ATP10D: variants seen among roughly 807,000 people sequenced by gnomAD.
ATP10D encodes ATPase phospholipid transporting 10D (putative).
Under a neutral mutation model 144.8 loss-of-function variants are expected in ATP10D, and 89 were observed. That is an observed-to-expected ratio of 0.61 (90% CI 0.52 to 0.73). The LOEUF (loss-of-function observed/expected upper bound fraction) is 0.73. ATP10D is among the 30% of genes least tolerant of loss of function. The probability of loss-of-function intolerance (pLI) is 0.00; values close to 1 mark genes in which losing one functional copy is unlikely to be tolerated. For missense variants in ATP10D, 1,603 were observed against 1,714.8 expected, an observed-to-expected ratio of 0.93 and a Z score of 1.15; for synonymous variants, 571 against 615.1, an observed-to-expected ratio of 0.93 and a Z score of 1.06.
intron 1 of ATP10D, among the ~76,000 whole-genome samples, chr4:47,494,877 A>G (rs1298701507): frequency 2.0e-5 from 3 of 152,210 alleles, no homozygotes; most frequent in Admixed American, 6.5e-5. Flanking sequence ...TCTTTCGCAG[A>G]CTACCATTTA....
chr4:47,525,732 C>G, intron 5 of ATP10D, 90 bp downstream of exon 5: 1 of 1,108,672 alleles, frequency 9.0e-7, no homozygotes, highest in Non-Finnish European at 1.3e-6. Context: ...TGTGCTTATA[C>G]CCTTGTTAAA....
In ATP10D at chr4:47,558,209, A is replaced by C; in HGVS notation, c.2370A>C (p.Gln790His). Residue 790 changes from glutamine to histidine, a missense_variant, in exon 12 of 23, where the codon CAA (glutamine) becomes CAC (histidine). Transcript: ENST00000273859. Reference sequence around the variant, plus strand: ...TGGTCCGACACCCTCTTTCCAATCAAGTTGTGGTGTATACGAAAGGCGCTG... The same window carrying C: ...TGGTCCGACACCCTCTTTCCAATCACGTTGTGGTGTATACGAAAGGCGCTG... ...SVVVRHPLSN[Q>H]VVVYTKGADS... The C allele has an allele frequency of 6.2e-7, 1 of 1,614,090 alleles. No homozygotes were observed. Among genetic ancestry groups the C allele is most frequent in the Non-Finnish European group, 8.5e-7 (1 of 1,180,028 alleles).
intron 19 of ATP10D, among the ~76,000 whole-genome samples, chr4:47,577,692 A>G (rs1720304687): frequency 6.6e-6 from 1 of 152,192 alleles, no homozygotes; most frequent in South Asian, 2.1e-4. Flanking sequence ...TGGAATGGAG[A>G]GTCATTTAGT....
chr4:47,525,406 C>T, intron 4 of ATP10D, 151 bp from the exon 5 acceptor site: 1 of 609,616 alleles, frequency 1.6e-6, no homozygotes, highest in Non-Finnish European at 2.9e-6. Flanking sequence ...ATGATTATGC[C>T]TCTACTTTCC....
intron 16 of ATP10D, among the ~76,000 whole-genome samples, chr4:47,571,339 A>G (rs1239518100): frequency 6.7e-6 from 1 of 148,700 alleles, no homozygotes; most frequent in Non-Finnish European, 1.5e-5. Flanking sequence ...ATCATGCATT[A>G]TGTAATATAT....
intron 1 of ATP10D, among the ~76,000 whole-genome samples, chr4:47,510,522 G>A (rs556805647): frequency 3.9e-5 from 6 of 152,298 alleles, no homozygotes; most frequent in East Asian, 1.9e-4. Flanking sequence ...TTTTGCAGTC[G>A]TTATGGGCTT....
In ATP10D at chr4:47,576,810, G is replaced by C; in HGVS notation, c.3404G>C (p.Cys1135Ser). Residue 1135 changes from cysteine to serine, a missense_variant, in exon 19 of 23, where the codon TGT becomes TCT. Cys to Ser is a moderately radical substitution (Grantham distance 112, BLOSUM62 -1). Coordinates refer to ENST00000273859, the MANE Select transcript of ATP10D (RefSeq NM_020453.4). ...CTCCTTTTCTGGTACCAGTTCTTTT[G>C]TGGATTTTCAGGAACATCCATGACT... ...VNLLFWYQFF[C>S]GFSGTSMTDY... The C allele has an allele frequency of 6.2e-7, 1 of 1,614,112 alleles. No individual in the cohort carries two copies. Among genetic ancestry groups the C allele is most frequent in the Non-Finnish European group, 8.5e-7 (1 of 1,180,000 alleles).
In ATP10D at chr4:47,559,022, C is replaced by T. The variant is rs1719138834; in HGVS notation, c.2534C>T (p.Ala845Val). 6.2e-7 allele frequency: 1 copy of T among 1,613,226 alleles called. No homozygotes were observed. The highest frequency in any genetic ancestry group is 2.2e-5 in the East Asian group (1 of 44,862). ...CAAGGCCTTCGTACTTTATGTATAG[C>T]AAAGAAGGTGAGACTGCTTAGTGCG... ...AKQGLRTLCI[A>V]KKVMSDTEYA... Residue 845 changes from alanine (A) to valine (V), a missense_variant, in exon 13 of 23, where the codon GCA becomes GTA. Coordinates refer to ENST00000273859, the MANE Select transcript of ATP10D (RefSeq NM_020453.4).
intron 3 of ATP10D, among the ~76,000 whole-genome samples, chr4:47,518,534 T>TA (rs1477063936): frequency 6.6e-6 from 1 of 152,188 alleles, no homozygotes; most frequent in Non-Finnish European, 1.5e-5. Context: ...GGATTTAAAC[T>TA]AAAAATAGAT....
chr4:47,537,470 A>G (rs893240782), intron 9 of ATP10D, among the ~76,000 whole-genome samples: 31 of 152,296 alleles, frequency 2.0e-4, no homozygotes, highest in African/African-American at 7.2e-4. Flanking sequence ...TAAAAGAAAT[A>G]TGTGCTCCTT....
At position 47,592,535 on chromosome 4, in the gene ATP10D, A is replaced by G. The variant is rs537763251; in HGVS notation, c.*1154A>G. 5.9e-5 allele frequency: 9 copies of G among 152,680 alleles called. No homozygotes were observed. The South Asian group carries it at 1.7e-3, about 28-fold the overall frequency. The allele number at this position is 152,680 out of a possible 1,614,324, so 9.5% of individuals were successfully genotyped here. Reference sequence around the variant, plus strand: ...TTTATTCTAAGTAAGGCCAGGTGCTACTATAAAATCATATATTCCTGTTGA... The same window carrying G: ...TTTATTCTAAGTAAGGCCAGGTGCTGCTATAAAATCATATATTCCTGTTGA... On this transcript the variant is annotated 3_prime_UTR_variant, in exon 23 of 23. Transcript: ENST00000273859.
rs138737356 is a variant in ATP10D, at chr4:47,536,708, A to C, written c.1166A>C (p.Tyr389Ser). The C allele has an allele frequency of 1.3e-4, 214 of 1,610,520 alleles. No individual in the cohort carries two copies. The Middle Eastern group carries it at 2.3e-3, about 17-fold the overall frequency. ...TAGGTCTTGATTCCTATTTCTCTCTATGTTTCCATCGAAATTGTGAAGCTT... is the reference window on the plus strand; with the variant it reads ...TAGGTCTTGATTCCTATTTCTCTCTCTGTTTCCATCGAAATTGTGAAGCTT... ...LLQVLIPISL[Y>S]VSIEIVKLGQ... Residue 389 changes from tyrosine to serine, a missense_variant, in exon 9 of 23, where the codon TAT becomes TCT. Transcript: ENST00000273859.
chr4:47,577,778 C>G (rs1720309680), intron 19 of ATP10D, among the ~76,000 whole-genome samples: 1 of 152,094 alleles, frequency 6.6e-6, no homozygotes, highest in African/African-American at 2.4e-5. Flanking sequence ...CCTTATAATC[C>G]TCTAATATCA....
At chr4:47,546,582 G>A in intron 9 of ATP10D, 42 bp from the exon 10 acceptor site, 1 of 1,544,436 alleles carries the variant, frequency 6.5e-7, no homozygotes, top group African/African-American at 1.4e-5. Flanking sequence ...CTTACAAGTG[G>A]CTCTTCTCAG....
chr4:47,590,920 T>C, intron 22 of ATP10D, 122 bp from the exon 23 acceptor site: 2 of 616,268 alleles, frequency 3.2e-6, no homozygotes, highest in Non-Finnish European at 2.7e-6. Flanking sequence ...CCTCCCCCTT[T>C]ATTTCAGGAG....
intron 14 of ATP10D, 23 bp downstream of exon 14, chr4:47,561,098 G>A: frequency 6.2e-7 from 1 of 1,612,924 alleles, no homozygotes. Flanking sequence ...TGTTTGTATT[G>A]CCTGAATGGA....
At position 47,507,858 on chromosome 4, in the gene ATP10D, A is replaced by G. The variant is rs536586158; in HGVS notation, c.-37-4646A>G. On this transcript the variant is annotated intron_variant, in intron 1 of 22. Coordinates refer to ENST00000273859, the MANE Select transcript of ATP10D (RefSeq NM_020453.4). ...CCCAATCTCCCTCATTCCGTGGTCAAGCTAAAACAGTCTCAAGGATGAATA... is the reference window on the plus strand; with the variant it reads ...CCCAATCTCCCTCATTCCGTGGTCAGGCTAAAACAGTCTCAAGGATGAATA... 6.6e-5 allele frequency among the ~76,000 whole-genome samples: 10 copies of G among 152,316 alleles called. No individual in the cohort carries two copies. The South Asian group carries it at 2.1e-3, about 32-fold the overall frequency.
chr4:47,555,348 G>C (rs1038925434), intron 11 of ATP10D, among the ~76,000 whole-genome samples: 2 of 152,166 alleles, frequency 1.3e-5, no homozygotes, highest in Admixed American at 1.3e-4. Flanking sequence ...CACCCAACCC[G>C]TCTGTGGAAA....
chr4:47,577,763 G>A (rs1238236397), intron 19 of ATP10D, among the ~76,000 whole-genome samples: 1 of 152,186 alleles, frequency 6.6e-6, no homozygotes, highest in Non-Finnish European at 1.5e-5. Flanking sequence ...CAGGAAAGAA[G>A]GGGTCCTTAT....
Sources: gnomAD v4.1 joint callset for allele counts (sites outside exome capture counted in the v4.1 genomes callset) on GRCh38, gnomAD v4.1.1 for gene constraint, MANE v1.5 for transcripts, NCBI Gene and HGNC (gene_info 2026-07-23, HGNC 2026-07-21) for gene names.